LGSN: variants seen among roughly 807,000 people sequenced by gnomAD.
LGSN encodes lengsin.
In LGSN, 21 loss-of-function variants were observed where a neutral mutation model predicts 19.5. That is an observed-to-expected ratio of 1.07 (90% confidence interval 0.76 to 1.55). The LOEUF is 1.55. Among genes scored for constraint, LGSN ranks in the 40% most tolerant of loss-of-function variants. The probability of loss-of-function intolerance (pLI) is 0.00; values close to 1 mark genes in which losing one functional copy is unlikely to be tolerated. For missense variants in LGSN, 673 were observed against 608.5 expected, an observed-to-expected ratio of 1.11 and a Z score of -1.12; for synonymous variants, 257 against 215.6, an observed-to-expected ratio of 1.19 and a Z score of -1.68.
chr6:63,456,044 A>G, the LGSN span, among the ~76,000 whole-genome samples: 1 of 151,872 alleles, frequency 6.6e-6, no homozygotes, highest in East Asian at 1.9e-4. Flanking sequence ...CCTGGCCAAC[A>G]TAGTGAAACC....
chr6:63,381,544 T>C, the LGSN span, among the ~76,000 whole-genome samples: 3 of 152,214 alleles, frequency 2.0e-5, no homozygotes, highest in African/African-American at 4.8e-5. Context: ...TTCATAAAAA[T>C]TATCCAGTAA....
At chr6:63,510,710 G>A in the LGSN span, among the ~76,000 whole-genome samples, 1 of 119,818 alleles carries the variant, frequency 8.3e-6, no homozygotes, top group African/African-American at 3.3e-5. Context: ...GTCTCGCTCT[G>A]TCACCCAGGC....
At chr6:63,562,108 T>G in the LGSN span, among the ~76,000 whole-genome samples, 1 of 151,882 alleles carries the variant, frequency 6.6e-6, no homozygotes, top group Non-Finnish European at 1.5e-5. Flanking sequence ...CTGTTAACAT[T>G]TTAGTTTATT....
upstream of LGSN, chr6:63,319,998 TC>T: frequency 7.7e-7 from 1 of 1,294,622 alleles, no homozygotes; most frequent in Non-Finnish European, 1.1e-6. Flanking sequence ...ACAAATGCAT[TC>T]AACATGTATT....
At chr6:63,435,667 C>G in the LGSN span, among the ~76,000 whole-genome samples, 1 of 151,978 alleles carries the variant, frequency 6.6e-6, no homozygotes, top group Admixed American at 6.6e-5. Flanking sequence ...GTCAACAAAG[C>G]CTTATCAGAA....
chr6:63,347,166 G>C, the LGSN span, among the ~76,000 whole-genome samples: 1 of 152,130 alleles, frequency 6.6e-6, no homozygotes, highest in South Asian at 2.1e-4. Context: ...CTACCCATCT[G>C]GTGTCAGAAG....
At chr6:63,330,273 C>T in the LGSN span, among the ~76,000 whole-genome samples, 16 of 152,290 alleles carry the variant, frequency 1.1e-4, no homozygotes, top group African/African-American at 3.6e-4. Context: ...CATTTTCTGT[C>T]CTCTCTGAAC....
At chr6:63,346,353 TC>T in the LGSN span, among the ~76,000 whole-genome samples, 1 of 151,842 alleles carries the variant, frequency 6.6e-6, no homozygotes, top group Non-Finnish European at 1.5e-5. Flanking sequence ...TAATAATTGA[TC>T]ATATCTTCTT....
the LGSN span, among the ~76,000 whole-genome samples, chr6:63,387,508 G>A: frequency 5.9e-5 from 9 of 152,072 alleles, no homozygotes; most frequent in African/African-American, 2.2e-4. Context: ...TTGAGCCACT[G>A]CAGATTTTGA....
At chr6:63,446,266 G>C in the LGSN span, among the ~76,000 whole-genome samples, 18 of 103,846 alleles carry the variant, frequency 1.7e-4, no homozygotes, top group Non-Finnish European at 2.2e-4. Flanking sequence ...AAAAAAAAAC[G>C]AACAGTGTAC....
chr6:63,375,230 A>G, the LGSN span, among the ~76,000 whole-genome samples: 1 of 152,116 alleles, frequency 6.6e-6, no homozygotes, highest in Non-Finnish European at 1.5e-5. Context: ...AAATATATCC[A>G]GAGCTGATAA....
At chr6:63,321,190 C>T (rs897022708), upstream of LGSN, among the ~76,000 whole-genome samples, 3 of 152,140 alleles carry the variant, frequency 2.0e-5, no homozygotes, top group Admixed American at 2.0e-4. Flanking sequence ...TGTCTTGTAC[C>T]AGAGCCTTAC....
At chr6:63,409,417 C>A in the LGSN span, among the ~76,000 whole-genome samples, 1 of 152,104 alleles carries the variant, frequency 6.6e-6, no homozygotes, top group African/African-American at 2.4e-5. Context: ...GAAATTTTTA[C>A]ATATATCTAA....
the LGSN span, among the ~76,000 whole-genome samples, chr6:63,356,460 T>C: frequency 6.6e-6 from 1 of 152,104 alleles, no homozygotes; most frequent in East Asian, 1.9e-4. Context: ...GAGAATCGCT[T>C]GAACCTGAGA....
chr6:63,331,501 G>A, the LGSN span, among the ~76,000 whole-genome samples: 1 of 152,268 alleles, frequency 6.6e-6, no homozygotes, highest in Admixed American at 6.5e-5. Flanking sequence ...GCCTGTTGAT[G>A]CCTGAGTGTT....
chr6:63,278,576 C>T lies in LGSN; in HGVS notation c.*1445G>A, dbSNP rs374288689. On this transcript the variant is annotated 3_prime_UTR_variant, in exon 4 of 4. Coordinates refer to ENST00000370657, the MANE Select transcript of LGSN (RefSeq NM_016571.3). ...GCGATCCTCCCTTCTCAGCCTCCCA[C>T]GTAGCTGGGACTACAGGCATGTGCC... 5.9e-5 allele frequency: 9 copies of T among 151,948 alleles called. No individual in the cohort carries two copies. Among genetic ancestry groups the T allele is most frequent in the Non-Finnish European group, 1.0e-4 (7 of 68,104 alleles). 9.4% of individuals were successfully genotyped at this position (151,948 alleles called of 1,614,324 possible). A position where few individuals can be genotyped will look rare whatever the true frequency, so the allele number is the denominator to read the frequency against.
At chr6:63,347,665 A>G in the LGSN span, among the ~76,000 whole-genome samples, 2 of 152,204 alleles carry the variant, frequency 1.3e-5, no homozygotes, top group Non-Finnish European at 2.9e-5. Flanking sequence ...ACAGTGACAC[A>G]TTTCATGAAA....
the LGSN span, among the ~76,000 whole-genome samples, chr6:63,445,311 A>G: frequency 2.0e-5 from 3 of 152,106 alleles, no homozygotes; most frequent in South Asian, 6.2e-4. Context: ...ACTCCGTCTC[A>G]AAAAAATAAA....
At chr6:63,552,692 A>G in the LGSN span, among the ~76,000 whole-genome samples, 1 of 152,188 alleles carries the variant, frequency 6.6e-6, no homozygotes, top group African/African-American at 2.4e-5. Context: ...TCTTTAATCC[A>G]TCTTGAATTA....
Sources: gnomAD v4.1 joint callset for allele counts (sites outside exome capture counted in the v4.1 genomes callset) on GRCh38, gnomAD v4.1.1 for gene constraint, MANE v1.5 for transcripts, NCBI Gene and HGNC (gene_info 2026-07-23, HGNC 2026-07-21) for gene names.